Variants in ITGBL1 observed in about 807,000 individuals in gnomAD.
ITGBL1 encodes integrin subunit beta like 1.
Under a neutral mutation model 68.5 loss-of-function variants are expected in ITGBL1, and 51 were observed. The ratio of observed to expected loss-of-function variants is 0.74; its 90% CI spans 0.59 to 0.94. ITGBL1 has a LOEUF of 0.94. ITGBL1 is among the 40% of genes least tolerant of loss of function. The pLI is 0.00. For missense variants in ITGBL1, 649 were observed against 647.4 expected (o/e 1.00, Z -0.03); for synonymous variants, 209 against 227.3 (o/e 0.92, Z 0.72).
Position 101,600,551 on chromosome 13 carries a change from T to G in ITGBL1, c.1015+2252T>G, listed in dbSNP as rs372781037. On this transcript the variant is annotated intron_variant, in intron 7 of 10. Coordinates refer to ENST00000376180, the MANE Select transcript of ITGBL1 (RefSeq NM_004791.3). ...GGGAATGCTTCCAGTTTTTGTCCAT[T>G]CAGTATGATATTGGCTGTGGGTTTG... Among the ~76,000 whole-genome samples the G allele has an allele frequency of 8.4e-4, 128 of 152,274 alleles. 2 individuals carry two copies. The East Asian group carries it at 0.024, about 28-fold the overall frequency.
At chr13:101,686,403 T>G (rs1186944808) in intron 7 of ITGBL1, among the ~76,000 whole-genome samples, 1 of 152,160 alleles carries the variant, frequency 6.6e-6, no homozygotes, top group Non-Finnish European at 1.5e-5. Flanking sequence ...AGTTCACTGT[T>G]AGTGGGAGAA....
chr13:101,461,752 G>A (rs1484562957), intron 2 of ITGBL1, among the ~76,000 whole-genome samples: 1 of 152,236 alleles, frequency 6.6e-6, no homozygotes, highest in African/African-American at 2.4e-5. Context: ...ATTCTTTGGG[G>A]GAATTCCCTG....
At chr13:101,453,835 C>A in intron 1 of ITGBL1, 48 bp from the exon 2 acceptor site, 2 of 1,178,906 alleles carry the variant, frequency 1.7e-6, no homozygotes, top group Non-Finnish European at 2.1e-6. Flanking sequence ...GAGCAGGGGG[C>A]GGCGTCCGCG....
At chr13:101,647,793 G>C (rs78566131) in intron 7 of ITGBL1, among the ~76,000 whole-genome samples, 1 of 152,200 alleles carries the variant, frequency 6.6e-6, no homozygotes, top group African/African-American at 2.4e-5. Flanking sequence ...GTGCGAAAAA[G>C]GGAGCCAGCT....
intron 2 of ITGBL1, 119 bp from the exon 3 acceptor site, chr13:101,567,580 T>G: frequency 2.3e-6 from 2 of 865,328 alleles, no homozygotes; most frequent in Non-Finnish European, 3.5e-6. Flanking sequence ...GCGATATACA[T>G]GAGTTTCAAT....
chr13:101,590,763 C>G (rs1175827721), intron 6 of ITGBL1, among the ~76,000 whole-genome samples: 1 of 152,152 alleles, frequency 6.6e-6, no homozygotes, highest in Non-Finnish European at 1.5e-5. Context: ...TCCTGTGAAA[C>G]AACAGAATTG....
At chr13:101,530,739 T>A (rs2139158505) in intron 2 of ITGBL1, among the ~76,000 whole-genome samples, 1 of 152,350 alleles carries the variant, frequency 6.6e-6, no homozygotes, top group South Asian at 2.1e-4. Flanking sequence ...ACATTAAATC[T>A]TCAATTTTAT....
At chr13:101,570,057 A>G (rs186842754) in intron 3 of ITGBL1, among the ~76,000 whole-genome samples, 3 of 152,254 alleles carry the variant, frequency 2.0e-5, no homozygotes, top group African/African-American at 4.8e-5. Flanking sequence ...GAACTGTAAC[A>G]TTCTCTCTGA....
chr13:101,592,298 A>G (rs1354007443), intron 6 of ITGBL1, among the ~76,000 whole-genome samples: 6 of 152,158 alleles, frequency 3.9e-5, no homozygotes, highest in Non-Finnish European at 7.4e-5. Flanking sequence ...CAGGCTAAAC[A>G]TGTAGTATTT....
intron 2 of ITGBL1, among the ~76,000 whole-genome samples, chr13:101,493,509 G>T (rs188724539): frequency 6.6e-6 from 1 of 152,106 alleles, no homozygotes; most frequent in East Asian, 1.9e-4. Flanking sequence ...TCTATGGGGG[G>T]AGTGATAACA....
chr13:101,539,511 T>C (rs9513914), intron 2 of ITGBL1, among the ~76,000 whole-genome samples: 54,619 of 151,818 alleles, frequency 0.36, 9,986 homozygotes, highest in South Asian at 0.4. Flanking sequence ...GCAGAAAACA[T>C]AGGTGTGCAT....
intron 2 of ITGBL1, among the ~76,000 whole-genome samples, chr13:101,487,296 G>A (rs1489749521): frequency 6.6e-6 from 1 of 152,142 alleles, no homozygotes; most frequent in African/African-American, 2.4e-5. Flanking sequence ...TATGGAGCCT[G>A]TTGATAACAG....
chr13:101,610,580 C>G (rs1898203), intron 7 of ITGBL1, among the ~76,000 whole-genome samples: 49,831 of 151,998 alleles, frequency 0.33, 8,427 homozygotes, highest in African/African-American at 0.41. Flanking sequence ...GGTCAGAAAA[C>G]TAGGGTTAGG....
chr13:101,522,933 G>A lies in ITGBL1; in HGVS notation c.317-44766G>A, dbSNP rs531405565. 3.3e-5 allele frequency among the ~76,000 whole-genome samples: 5 copies of A among 152,286 alleles called. No homozygotes were observed. In the East Asian group the frequency reaches 5.8e-4, roughly 18 times the overall value. Reference sequence around the variant, plus strand: ...CAAAGGACAAGCCGTTGGTTACATCGCTGCAGGCAAAATAATGCCAAATGG... The same window carrying A: ...CAAAGGACAAGCCGTTGGTTACATCACTGCAGGCAAAATAATGCCAAATGG... On this transcript the variant is annotated intron_variant, in intron 2 of 10. Coordinates refer to ENST00000376180, the MANE Select transcript of ITGBL1 (RefSeq NM_004791.3).
At chr13:101,583,402 C>G in intron 6 of ITGBL1, 46 bp downstream of exon 6, 4 of 1,268,060 alleles carry the variant, frequency 3.2e-6, no homozygotes, top group Non-Finnish European at 2.1e-6. Context: ...GGAGGTGGGG[C>G]TTGTTAATGG....
intron 2 of ITGBL1, among the ~76,000 whole-genome samples, chr13:101,515,777 A>G (rs527351084): frequency 6.6e-6 from 1 of 152,304 alleles, no homozygotes; most frequent in Admixed American, 6.5e-5. Flanking sequence ...AACATTTCAT[A>G]TGAGTCATCA....
chr13:101,583,444 T>C (rs1594905080), intron 6 of ITGBL1, 88 bp downstream of exon 6: 1 of 1,103,386 alleles, frequency 9.1e-7, no homozygotes, highest in East Asian at 2.6e-5. Flanking sequence ...TTAGAAAGAA[T>C]AAATAAGACA....
At chr13:101,595,575 C>CA (rs2139318012) in intron 6 of ITGBL1, among the ~76,000 whole-genome samples, 1 of 152,112 alleles carries the variant, frequency 6.6e-6, no homozygotes, top group African/African-American at 2.4e-5. Context: ...AGAAGATATG[C>CA]AAATGGCCAG....
At chr13:101,482,752 C>T (rs1034090872) in intron 2 of ITGBL1, among the ~76,000 whole-genome samples, 1 of 151,704 alleles carries the variant, frequency 6.6e-6, no homozygotes, top group African/African-American at 2.4e-5. Context: ...ATTTGGGGTC[C>T]GTATAATAGA....
Sources: gnomAD v4.1 joint callset for allele counts (sites outside exome capture counted in the v4.1 genomes callset) on GRCh38, gnomAD v4.1.1 for gene constraint, MANE v1.5 for transcripts, NCBI Gene and HGNC (gene_info 2026-07-23, HGNC 2026-07-21) for gene names.